Variants in KIF26A observed in about 807,000 individuals in gnomAD.
KIF26A encodes the protein kinesin-like protein KIF26A.
KIF26A carries 74 observed loss-of-function variants against 126.0 expected under a neutral mutation model. That is an observed-to-expected ratio of 0.59 (90% CI 0.49 to 0.71). KIF26A has a LOEUF of 0.71. Ranked by LOEUF, KIF26A falls within the 30% of genes least tolerant of loss-of-function variation. KIF26A has a pLI of 0.00. For synonymous variants in KIF26A, 1,445 were observed against 1,232.7 expected (o/e 1.17, Z -3.61); for missense variants, 2,984 against 2,763.3 (o/e 1.08, Z -1.79).
intron 6 of KIF26A, 108 bp downstream of exon 6, chr14:104,172,043 C>A (rs1447886887): frequency 2.7e-6 from 3 of 1,104,266 alleles, no homozygotes; most frequent in Admixed American, 2.5e-5. Context: ...GCAGAGGAAG[C>A]GTGAGCGAGG....
intron 4 of KIF26A, among the ~76,000 whole-genome samples, chr14:104,159,749 C>A (rs918038259): frequency 1.3e-5 from 2 of 152,176 alleles, no homozygotes; most frequent in Admixed American, 6.5e-5. Context: ...GGTGGCAGGT[C>A]GTGGTTCAGG....
rs145304498 is a variant in KIF26A at position 104,173,147 on chromosome 14, C to T, written c.1591C>T (p.Arg531Trp). 28 of 1,610,186 alleles carry T rather than the reference C, an allele frequency of 1.7e-5. No individual in the cohort carries two copies. Among genetic ancestry groups the T allele is most frequent in the East Asian group, 1.3e-4 (6 of 44,754 alleles). ...GGTGTGCGGGCGCGACCAGAGCCTG[C>T]GGGACCTGCTGGCCGAGGTGGCCCC... ...VEVCGRDQSL[R>W]DLLAEVAPGS... is the part of the protein sequence containing the mutation. The change falls in exon 8 of 15, where the codon CGG (arginine) becomes TGG (tryptophan). Residue 531 changes from arginine (R) to tryptophan (W), a missense_variant. Arg to Trp is a moderately radical substitution (Grantham distance 101, BLOSUM62 -3). Transcript: ENST00000423312.
At chr14:104,149,892 T>G (rs535988289) in intron 2 of KIF26A, among the ~76,000 whole-genome samples, 27 of 152,294 alleles carry the variant, frequency 1.8e-4, no homozygotes, top group Middle Eastern at 3.4e-3. Flanking sequence ...GGTTAATAGC[T>G]CCAGCAGGCG....
At position 104,138,672 on chromosome 14, in the gene KIF26A, G is replaced by C. The variant is rs973398206; in HGVS notation, c.-51G>C. 1 of 1,248,920 alleles carries C rather than the reference G, an allele frequency of 8.0e-7. No homozygotes were observed. Among genetic ancestry groups the C allele is most frequent in the East Asian group, 3.5e-5 (1 of 28,284 alleles). 77.4% of individuals were successfully genotyped at this position (1,248,920 alleles called of 1,614,324 possible). On this transcript the variant is annotated 5_prime_UTR_variant, in exon 1 of 15. Coordinates refer to ENST00000423312, the MANE Select transcript of KIF26A (RefSeq NM_015656.2). ...GGATCACGTAGCCGCGGCGCCCCCG[G>C]AGAGCCAGCGTGGCCGGGAGCGCCT...
chr14:104,147,866 G>A (rs984906982), intron 2 of KIF26A, among the ~76,000 whole-genome samples: 20 of 152,318 alleles, frequency 1.3e-4, no homozygotes, highest in African/African-American at 4.3e-4. Context: ...GAGGGGCTTC[G>A]GGGCCTAGTT....
chr14:104,164,935 C>G (rs1046394489), intron 4 of KIF26A, among the ~76,000 whole-genome samples: 1 of 150,320 alleles, frequency 6.7e-6, no homozygotes. Context: ...GTCTCTATGT[C>G]TCTCCGTGTT....
rs1032128724 is a variant in KIF26A, at chr14:104,165,091, ATGTGTGTGTGTCTC to A, written c.924-1751_924-1738del. ...TTTCTGTATGCATGTGTGTGTTTCT[ATGTGTGTGTGTCTC>A]TGTGTGTGTGTCTCTGCATGTATAT... On this transcript the variant is annotated intron_variant, in intron 4 of 14. Coordinates refer to ENST00000423312, the MANE Select transcript of KIF26A (RefSeq NM_015656.2). Among the ~76,000 whole-genome samples the A allele has an allele frequency of 8.5e-5, 10 of 117,332 alleles. No individual in the cohort carries two copies. The South Asian group carries it at 8.7e-4, about 10-fold the overall frequency. The allele number at this position is 117,332 out of a possible 152,430, so 77.0% of individuals were successfully genotyped here.
chr14:104,176,247 G>C lies in KIF26A; in HGVS notation c.3459G>C (p.Leu1153=). The C allele has an allele frequency of 5.0e-6, 8 of 1,599,414 alleles. No individual in the cohort carries two copies. The highest frequency in any genetic ancestry group is 6.8e-6 in the Non-Finnish European group (8 of 1,173,310). ...GCCCCCCTGCCCTGGATGGTTCCCT[G>C]GGGGATGGAAGCTCTGGGTTCCTGG... ...PGGPPALDGS[L]GDGSSGFLGP... is the part of the protein sequence containing the mutation. Residue 1153 remains leucine, a synonymous_variant, in exon 12 of 15, where the codon CTG becomes CTC. Coordinates refer to ENST00000423312, the MANE Select transcript of KIF26A (RefSeq NM_015656.2).
chr14:104,156,546 A>G (rs2037779535), intron 3 of KIF26A, among the ~76,000 whole-genome samples: 1 of 152,132 alleles, frequency 6.6e-6, no homozygotes, highest in African/African-American at 2.4e-5. Context: ...TTCCTTTCGC[A>G]GACATGGTTC....
Position 104,179,954 on chromosome 14 carries a change from C to T in KIF26A, c.*164C>T. 1 of 742,162 alleles carries T rather than the reference C, an allele frequency of 1.3e-6. No homozygotes were observed. Among genetic ancestry groups the T allele is most frequent in the Non-Finnish European group, 2.1e-6 (1 of 478,724 alleles). 46.0% of individuals were successfully genotyped at this position (742,162 alleles called of 1,614,324 possible). Reference sequence around the variant, plus strand: ...GGAGTGTGGGGGAGGGAGGGCCGGCCACGCGGTGGACAGAGCGAGGGTGCC... The same window carrying T: ...GGAGTGTGGGGGAGGGAGGGCCGGCTACGCGGTGGACAGAGCGAGGGTGCC... On this transcript the variant is annotated 3_prime_UTR_variant, in exon 15 of 15. Transcript: ENST00000423312.
At chr14:104,166,215 C>T (rs1049484912) in intron 4 of KIF26A, among the ~76,000 whole-genome samples, 7 of 152,096 alleles carry the variant, frequency 4.6e-5, no homozygotes, top group African/African-American at 7.2e-5. Context: ...TCCAGGATGG[C>T]TCTAGGGCCT....
Position 104,173,764 on chromosome 14 carries a change from T to A in KIF26A, c.1926T>A (p.Ala642=). 2.5e-6 allele frequency: 4 copies of A among 1,609,596 alleles called. No individual in the cohort carries two copies. The highest frequency in any genetic ancestry group is 3.4e-6 in the Non-Finnish European group (4 of 1,179,416). The change falls in exon 10 of 15, where the codon GCT becomes GCA. Residue 642 remains alanine (A), a synonymous_variant. Transcript: ENST00000423312. ...LIDLGSCEAA[A]GRAGEAAGGP... is the part of the protein sequence containing the mutation. ...ACCTGGGCAGCTGTGAGGCGGCGGC[T>A]GGCAGGGCCGGGGAGGCTGCTGGGG...
intron 2 of KIF26A, among the ~76,000 whole-genome samples, chr14:104,146,316 C>T (rs898915119): frequency 2.0e-5 from 3 of 152,116 alleles, no homozygotes; most frequent in Non-Finnish European, 2.9e-5. Context: ...AAGGCTCGTC[C>T]TGGTCCTGCC....
chr14:104,178,031 A>C (rs1461792752), intron 12 of KIF26A, 133 bp downstream of exon 12: 6 of 1,057,622 alleles, frequency 5.7e-6, no homozygotes, highest in Non-Finnish European at 7.7e-6. Flanking sequence ...AGACCCACAC[A>C]GCCGTGGACG....
At chr14:104,159,469 G>A (rs2037813386) in intron 4 of KIF26A, among the ~76,000 whole-genome samples, 1 of 152,234 alleles carries the variant, frequency 6.6e-6, no homozygotes, top group Non-Finnish European at 1.5e-5. Flanking sequence ...TCCTGACACT[G>A]GGAAGTAAGG....
In KIF26A at chr14:104,176,406, C is replaced by A; in HGVS notation, c.3618C>A (p.Ile1206=). 1 of 1,591,678 alleles carries A rather than the reference C, an allele frequency of 6.3e-7. No individual in the cohort carries two copies. Among genetic ancestry groups the A allele is most frequent in the Non-Finnish European group, 8.6e-7 (1 of 1,165,866 alleles). ...PSRWASAAQT[I]HSSLPRKPRT... is the part of the protein sequence containing the mutation. ...GGTGGGCATCCGCAGCCCAGACCAT[C>A]CACTCCAGCCTCCCCCGGAAACCGA... is the stretch of plus-strand genomic sequence containing the variant. Residue 1206 remains isoleucine, a synonymous_variant, in exon 12 of 15, where the codon ATC becomes ATA. Coordinates refer to ENST00000423312, the MANE Select transcript of KIF26A (RefSeq NM_015656.2).
At chr14:104,157,095 G>A (rs540117438) in intron 3 of KIF26A, among the ~76,000 whole-genome samples, 20 of 152,264 alleles carry the variant, frequency 1.3e-4, no homozygotes, top group South Asian at 1.0e-3. Flanking sequence ...CTGAGGGTTC[G>A]GGGTCCCACG....
At chr14:104,158,339 T>C (rs1315488461) in intron 4 of KIF26A, among the ~76,000 whole-genome samples, 2 of 152,228 alleles carry the variant, frequency 1.3e-5, no homozygotes, top group Non-Finnish European at 2.9e-5. Flanking sequence ...AGAAAATGTC[T>C]GTGAAGCCTG....
At chr14:104,163,009 T>C (rs2141104866) in intron 4 of KIF26A, among the ~76,000 whole-genome samples, 1 of 152,308 alleles carries the variant, frequency 6.6e-6, no homozygotes. Context: ...TCCTGCCTGC[T>C]AGATGCGGAT....
Sources: gnomAD v4.1 joint callset for allele counts (sites outside exome capture counted in the v4.1 genomes callset) on GRCh38, gnomAD v4.1.1 for gene constraint, MANE v1.5 for transcripts, NCBI Gene and HGNC (gene_info 2026-07-23, HGNC 2026-07-21) for gene names.